ABTB3: variants seen among roughly 807,000 people sequenced by gnomAD.
The protein encoded by ABTB3 is ankyrin repeat and BTB domain containing 3.
At chr12:107,527,236 C>G in the ABTB3 span, among the ~76,000 whole-genome samples, 7 of 152,080 alleles carry the variant, frequency 4.6e-5, no homozygotes, top group Admixed American at 2.0e-4. Context: ...CCCACCAAGA[C>G]TGTAAATCCC....
At chr12:107,379,255 T>C in the ABTB3 span, among the ~76,000 whole-genome samples, 6 of 152,190 alleles carry the variant, frequency 3.9e-5, no homozygotes, top group Non-Finnish European at 8.8e-5. Context: ...TTGGTGTTAG[T>C]AGACCAGTTG....
At chr12:107,520,378 C>T in the ABTB3 span, 2 of 1,479,494 alleles carry the variant, frequency 1.4e-6, no homozygotes, top group Non-Finnish European at 1.8e-6. Context: ...CTTTGCAGTA[C>T]CAGCTCTGGC....
At chr12:107,360,403 GT>G in the ABTB3 span, among the ~76,000 whole-genome samples, 2 of 152,282 alleles carry the variant, frequency 1.3e-5, no homozygotes, top group South Asian at 4.1e-4. Context: ...GATGTAAGAT[GT>G]TGAGCAGTTG....
chr12:107,386,481 A>G, the ABTB3 span, among the ~76,000 whole-genome samples: 1 of 152,358 alleles, frequency 6.6e-6, no homozygotes, highest in African/African-American at 2.4e-5. Flanking sequence ...GATTACGTAG[A>G]TAAAAGCCCT....
chr12:107,323,147 T>G, the ABTB3 span, among the ~76,000 whole-genome samples: 8 of 152,300 alleles, frequency 5.3e-5, no homozygotes, highest in East Asian at 1.3e-3. Context: ...TTCTACTTTG[T>G]TGTTATTGTT....
At chr12:107,585,930 G>A in the ABTB3 span, among the ~76,000 whole-genome samples, 2 of 152,188 alleles carry the variant, frequency 1.3e-5, no homozygotes, top group East Asian at 3.9e-4. Context: ...GATCTGTATG[G>A]TACCTGATCT....
chr12:107,376,001 T>A, the ABTB3 span, among the ~76,000 whole-genome samples: 1 of 152,108 alleles, frequency 6.6e-6, no homozygotes, highest in Non-Finnish European at 1.5e-5. Flanking sequence ...CCAGGGCCCT[T>A]TTTGCTATTC....
At chr12:107,586,704 C>T in the ABTB3 span, among the ~76,000 whole-genome samples, 5 of 152,232 alleles carry the variant, frequency 3.3e-5, no homozygotes, top group East Asian at 5.8e-4. Context: ...AGAGACAGGC[C>T]GCGGAGCCTG....
the ABTB3 span, chr12:107,618,382 A>G: frequency 6.2e-7 from 1 of 1,609,270 alleles, no homozygotes; most frequent in South Asian, 1.1e-5. Context: ...AGCATAGGTC[A>G]GTCTGGGCAC....
At chr12:107,475,355 G>A in the ABTB3 span, among the ~76,000 whole-genome samples, 3 of 152,188 alleles carry the variant, frequency 2.0e-5, no homozygotes, top group African/African-American at 7.2e-5. Flanking sequence ...TACCAAAGAG[G>A]TAACGGGCAT....
chr12:107,570,539 G>A, the ABTB3 span, among the ~76,000 whole-genome samples: 1 of 152,044 alleles, frequency 6.6e-6, no homozygotes, highest in Non-Finnish European at 1.5e-5. Flanking sequence ...TCTATACAAA[G>A]GGTTATGGCT....
the ABTB3 span, among the ~76,000 whole-genome samples, chr12:107,328,180 C>T: frequency 5.9e-5 from 9 of 152,304 alleles, no homozygotes; most frequent in African/African-American, 9.6e-5. Flanking sequence ...ACAAAGCAGG[C>T]GCTATTATTA....
the ABTB3 span, chr12:107,657,989 G>T: frequency 2.1e-6 from 1 of 487,694 alleles, no homozygotes; most frequent in South Asian, 2.4e-5. Context: ...CCACTGCCGG[G>T]GACCACTGTC....
At chr12:107,570,817 G>A in the ABTB3 span, among the ~76,000 whole-genome samples, 16 of 151,926 alleles carry the variant, frequency 1.1e-4, no homozygotes, top group East Asian at 1.9e-4. Context: ...CTCTCCTTCC[G>A]TTGCTCTGTC....
chr12:107,423,373 G>A, the ABTB3 span, among the ~76,000 whole-genome samples: 4,288 of 152,224 alleles, frequency 0.028, 155 homozygotes, highest in African/African-American at 0.088. Context: ...GCAGAACACA[G>A]TATCTCCATG....
At chr12:107,482,626 T>A in the ABTB3 span, among the ~76,000 whole-genome samples, 1 of 152,072 alleles carries the variant, frequency 6.6e-6, no homozygotes, top group Admixed American at 6.5e-5. Context: ...GTGCCCACTC[T>A]AGTCTGCCCA....
the ABTB3 span, among the ~76,000 whole-genome samples, chr12:107,389,504 C>G: frequency 6.6e-6 from 1 of 152,192 alleles, no homozygotes; most frequent in Non-Finnish European, 1.5e-5. Flanking sequence ...CTGCCCCCAA[C>G]AAGAGGTTCT....
the ABTB3 span, among the ~76,000 whole-genome samples, chr12:107,463,185 T>C: frequency 1.3e-5 from 2 of 150,686 alleles, 1 homozygote; most frequent in Admixed American, 1.3e-4. Context: ...GTAGTAATGA[T>C]GGGTGATGAT....
chr12:107,426,942 T>C, the ABTB3 span, among the ~76,000 whole-genome samples: 14 of 152,296 alleles, frequency 9.2e-5, no homozygotes, highest in Middle Eastern at 3.4e-3. Flanking sequence ...TTCTCCTGCT[T>C]TTTTCAATTT....
Sources: allele counts gnomAD v4.1 joint callset (sites outside exome capture counted in the v4.1 genomes callset), GRCh38; gene constraint gnomAD v4.1.1; transcripts MANE v1.5; gene names NCBI Gene and HGNC (gene_info 2026-07-23, HGNC 2026-07-21).